The following CCDC146 variants were observed in gnomAD, a reference collection of about 807,000 sequenced individuals.
CCDC146 encodes coiled-coil domain containing 146.
CCDC146 carries 92 observed loss-of-function variants against 119.3 expected under a neutral mutation model. The ratio of observed to expected loss-of-function variants is 0.77; its 90% CI spans 0.65 to 0.92. The LOEUF is 0.92. Among genes scored for constraint, CCDC146 ranks in the 40% least tolerant of loss-of-function variants. CCDC146 has a pLI of 0.00. For synonymous variants in CCDC146, 372 were observed against 371.8 expected, an observed-to-expected ratio of 1.00 and a Z score of -0.01; for missense variants, 1,000 against 1,103.0, an observed-to-expected ratio of 0.91 and a Z score of 1.32.
chr7:77,254,600 C>A, intron 5 of CCDC146, 37 bp downstream of exon 5: 1 of 1,126,496 alleles, frequency 8.9e-7, no homozygotes, highest in Non-Finnish European at 1.3e-6. Context: ...TTAAATACAG[C>A]TGGATTCAAT....
chr7:77,277,785 A>T (rs1393000578), intron 11 of CCDC146, among the ~76,000 whole-genome samples: 1 of 152,202 alleles, frequency 6.6e-6, no homozygotes. Context: ...CAAATCACTC[A>T]TACCAAAAGG....
chr7:77,279,621 A>C (rs1793725746), intron 13 of CCDC146, among the ~76,000 whole-genome samples: 1 of 152,156 alleles, frequency 6.6e-6, no homozygotes, highest in African/African-American at 2.4e-5. Flanking sequence ...TGGTGTCCAG[A>C]CTCAAATACC....
At chr7:77,191,905 A>G (rs1257070811) in intron 2 of CCDC146, among the ~76,000 whole-genome samples, 1 of 151,712 alleles carries the variant, frequency 6.6e-6, no homozygotes, top group Non-Finnish European at 1.5e-5. Flanking sequence ...GCAAGACTCC[A>G]TCTCAAAAAA....
intron 1 of CCDC146, among the ~76,000 whole-genome samples, chr7:77,138,111 A>C (rs1790883637): frequency 1.3e-5 from 2 of 151,930 alleles, no homozygotes; most frequent in African/African-American, 4.8e-5. Context: ...ATAAAGCTAT[A>C]GTAATCAAGA....
chr7:77,248,601 A>G (rs968200820), intron 4 of CCDC146, among the ~76,000 whole-genome samples: 3 of 152,254 alleles, frequency 2.0e-5, no homozygotes, highest in Non-Finnish European at 1.5e-5. Context: ...TCGGGAAATC[A>G]TATGACTTCT....
At chr7:77,293,245 G>A (rs1319345963) in intron 18 of CCDC146, 45 bp downstream of exon 18, 2 of 1,577,216 alleles carry the variant, frequency 1.3e-6, no homozygotes, top group South Asian at 2.3e-5. Context: ...GTGCCAGCAG[G>A]GGTTGCATTC....
chr7:77,294,637 T>C, intron 18 of CCDC146, 26 bp from the exon 19 acceptor site: 1 of 1,612,316 alleles, frequency 6.2e-7, no homozygotes, highest in Non-Finnish European at 8.5e-7. Context: ...TTCAGAGAAC[T>C]GAAAAGGAAA....
At chr7:77,282,521 T>A in intron 14 of CCDC146, 36 bp from the exon 15 acceptor site, 1 of 1,458,750 alleles carries the variant, frequency 6.9e-7, no homozygotes, top group Non-Finnish European at 9.4e-7. Flanking sequence ...GTGGTCTCAA[T>A]GCCCACTTAG....
chr7:77,233,907 AT>A (rs11317661), intron 2 of CCDC146, among the ~76,000 whole-genome samples: 84,115 of 144,576 alleles, frequency 0.58, 25,794 homozygotes, highest in Non-Finnish European at 0.74. Flanking sequence ...GTATTCTATC[AT>A]TTTTTTTTTT....
intron 14 of CCDC146, among the ~76,000 whole-genome samples, chr7:77,281,338 T>C (rs1793761772): frequency 6.6e-6 from 1 of 152,204 alleles, no homozygotes; most frequent in Non-Finnish European, 1.5e-5. Flanking sequence ...ATTTAGCCAT[T>C]CTCCTAGTTC....
rs867142505 is a variant in CCDC146, at chr7:77,203,042, C to A, written c.157-33905C>A. Reference sequence around the variant, plus strand: ...AAAATAAAATACTTGCCCCCCCCCCCCCCAGGACTATTTTAGGAATGAATC... The same window carrying A: ...AAAATAAAATACTTGCCCCCCCCCCACCCAGGACTATTTTAGGAATGAATC... On this transcript the variant is annotated intron_variant, in intron 2 of 18. Coordinates refer to ENST00000285871, the MANE Select transcript of CCDC146 (RefSeq NM_020879.3). Among the ~76,000 whole-genome samples the A allele has an allele frequency of 3.3e-4, 48 of 145,864 alleles. No individual in the cohort carries two copies. The East Asian group carries it at 3.5e-3, about 11-fold the overall frequency.
intron 2 of CCDC146, among the ~76,000 whole-genome samples, chr7:77,173,499 CAT>C (rs1402118991): frequency 6.6e-6 from 1 of 151,878 alleles, no homozygotes; most frequent in Non-Finnish European, 1.5e-5. Flanking sequence ...TGTGGTGGTG[CAT>C]GCCTGTAATC....
chr7:77,258,885 GGTAA>G (rs1793233267), intron 6 of CCDC146, 106 bp from the exon 7 acceptor site: 1 of 698,528 alleles, frequency 1.4e-6, no homozygotes, highest in Non-Finnish European at 2.5e-6. Flanking sequence ...CAGGGCAGAT[GGTAA>G]GTATCTACAT....
chr7:77,159,629 G>A (rs1431054702), intron 1 of CCDC146, among the ~76,000 whole-genome samples: 1 of 152,126 alleles, frequency 6.6e-6, no homozygotes, highest in African/African-American at 2.4e-5. Context: ...TCCTGATTTC[G>A]ATTCATTTGG....
At chr7:77,236,199 G>A (rs955279264) in intron 2 of CCDC146, among the ~76,000 whole-genome samples, 31 of 152,204 alleles carry the variant, frequency 2.0e-4, no homozygotes, top group Non-Finnish European at 1.8e-4. Context: ...ATTGCATTAT[G>A]ATTTTAGGAT....
At chr7:77,148,564 G>A (rs549700021) in intron 1 of CCDC146, among the ~76,000 whole-genome samples, 6 of 152,020 alleles carry the variant, frequency 3.9e-5, no homozygotes, top group African/African-American at 1.4e-4. Context: ...TCCCCTGATT[G>A]TACATTTAGA....
At chr7:77,244,447 C>G (rs1792908757) in intron 4 of CCDC146, among the ~76,000 whole-genome samples, 1 of 152,174 alleles carries the variant, frequency 6.6e-6, no homozygotes, top group South Asian at 2.1e-4. Context: ...GTCCTGCAAC[C>G]TCCGTTCATG....
intron 2 of CCDC146, among the ~76,000 whole-genome samples, chr7:77,212,324 TC>T (rs1413193301): frequency 1.3e-5 from 2 of 152,038 alleles, no homozygotes; most frequent in African/African-American, 4.8e-5. Context: ...AATAACAAGT[TC>T]AAAAACATAT....
rs374863953 is a variant in CCDC146 at position 77,292,933 on chromosome 7, T to C, written c.2416-19T>C. 8 of 1,611,028 alleles carry C rather than the reference T, an allele frequency of 5.0e-6. No individual in the cohort carries two copies. The highest frequency in any genetic ancestry group is 6.8e-6 in the Non-Finnish European group (8 of 1,179,488). ...GTGGACTGTATACATAGACTAAGCT[T>C]TGGGCTCTTTAATTCTAGATGAATG... On this transcript the variant is annotated intron_variant, in intron 17 of 18. Coordinates refer to ENST00000285871, the MANE Select transcript of CCDC146 (RefSeq NM_020879.3).
Sources: allele counts gnomAD v4.1 joint callset (sites outside exome capture counted in the v4.1 genomes callset), GRCh38; gene constraint gnomAD v4.1.1; transcripts MANE v1.5; gene names NCBI Gene and HGNC (gene_info 2026-07-23, HGNC 2026-07-21).